VPS13D: variants seen among roughly 807,000 people sequenced by gnomAD.
VPS13D encodes intermembrane lipid transfer protein VPS13D.
A neutral mutation model predicts 461.9 loss-of-function variants in VPS13D; 187 were observed. The ratio of observed to expected loss-of-function variants is 0.40; its 90% confidence interval spans 0.36 to 0.46. VPS13D has a LOEUF of 0.46. Among genes scored for constraint, VPS13D ranks in the 20% least tolerant of loss-of-function variants. The pLI is 0.60. For missense variants in VPS13D, 4,711 were observed against 5,364.9 expected, an observed-to-expected ratio of 0.88 and a Z score of 3.81; for synonymous variants, 1,951 against 1,986.3, an observed-to-expected ratio of 0.98 and a Z score of 0.47.
chr1:12,310,476 A>T (rs189779896), intron 27 of VPS13D, among the ~76,000 whole-genome samples: 1 of 152,180 alleles, frequency 6.6e-6, no homozygotes, highest in Non-Finnish European at 1.5e-5. Flanking sequence ...TATTGAGATG[A>T]GGTACAGATG....
Position 12,283,630 on chromosome 1 carries a change from C to T in VPS13D, c.5528C>T (p.Ala1843Val). Residue 1843 changes from alanine (A) to valine (V), a missense_variant, in exon 21 of 70, where the codon GCA becomes GTA. Transcript: ENST00000620676. ...ATCGGCTCCACTGCAGACAACCACG[C>T]AATGAGGCTGCCTCCTGAGGGCATT... ...FGIGSTADNH[A>V]MRLPPEGILH... is the part of the protein sequence containing the mutation. 6.2e-7 allele frequency: 1 copy of T among 1,614,184 alleles called. No individual in the cohort carries two copies. The highest frequency in any genetic ancestry group is 8.5e-7 in the Non-Finnish European group (1 of 1,180,020).
At position 12,385,213 on chromosome 1, in the gene VPS13D, A is replaced by T. The variant is rs369630472; in HGVS notation, c.11371-47A>T. ...TTGTTCTGGGTTAGAATAGGTTTCAATAAGGAAGAGTGAATCATCTTCTTG... is the reference window on the plus strand; with the variant it reads ...TTGTTCTGGGTTAGAATAGGTTTCATTAAGGAAGAGTGAATCATCTTCTTG... On this transcript the variant is annotated intron_variant, in intron 58 of 69. Coordinates refer to ENST00000620676, the MANE Select transcript of VPS13D (RefSeq NM_015378.4). 11 of 1,501,198 alleles carry T rather than the reference A, an allele frequency of 7.3e-6. No homozygotes were observed. The South Asian group carries it at 1.1e-4, about 16-fold the overall frequency. The allele number at this position is 1,501,198 out of a possible 1,614,324, so 93.0% of individuals were successfully genotyped here.
intron 67 of VPS13D, among the ~76,000 whole-genome samples, chr1:12,494,798 A>C (rs1054066599): frequency 6.6e-6 from 1 of 152,218 alleles, no homozygotes; most frequent in African/African-American, 2.4e-5. Flanking sequence ...ATGGGGTTCT[A>C]GCTGCTTCAT....
In VPS13D at chr1:12,345,501, T is replaced by G; in HGVS notation, c.9013T>G (p.Ser3005Ala). 1.9e-6 allele frequency: 3 copies of G among 1,612,086 alleles called. No individual in the cohort carries two copies. Among genetic ancestry groups the G allele is most frequent in the Non-Finnish European group, 2.5e-6 (3 of 1,178,312 alleles). Reference sequence around the variant, plus strand: ...TGCAGCACCAGATAAAAATTCATCTTCCTCTACGGTGTGTGACATTCAGGA... The same window carrying G: ...TGCAGCACCAGATAAAAATTCATCTGCCTCTACGGTGTGTGACATTCAGGA... ...RYAAPDKNSS[S>A]STIGSPSSRT... The change falls in exon 43 of 70, where the codon TCC (serine) becomes GCC (alanine). Residue 3005 changes from serine to alanine, a missense_variant. By Grantham distance (99) the Ser-to-Ala change is moderately conservative. Around this residue, in one of 3 missense-constraint regions of VPS13D, gnomAD observed 4,411 missense variants for 4,937.8 expected, o/e 0.89. Transcript: ENST00000620676.
chr1:12,264,260 A>G (rs1374889431), intron 13 of VPS13D, among the ~76,000 whole-genome samples: 1 of 152,186 alleles, frequency 6.6e-6, no homozygotes, highest in Non-Finnish European at 1.5e-5. Flanking sequence ...AATTGGGCTA[A>G]TAACCCTACA....
intron 37 of VPS13D, among the ~76,000 whole-genome samples, chr1:12,330,647 A>G (rs1175259819): frequency 2.6e-5 from 4 of 151,862 alleles, no homozygotes; most frequent in Non-Finnish European, 5.9e-5. Context: ...GGCTCACTGC[A>G]ACTTCTGCCT....
At chr1:12,232,010 C>G (rs1639993706) in intron 1 of VPS13D, among the ~76,000 whole-genome samples, 1 of 152,140 alleles carries the variant, frequency 6.6e-6, no homozygotes, top group Non-Finnish European at 1.5e-5. Context: ...AAAAAAGTTA[C>G]AATAGAGAAA....
chr1:12,311,994 C>T (rs1642763912), intron 29 of VPS13D, 69 bp downstream of exon 29: 3 of 1,341,934 alleles, frequency 2.2e-6, no homozygotes, highest in Admixed American at 2.0e-5. Flanking sequence ...TTTGCATTGA[C>T]ACAGAGCAGA....
In VPS13D at chr1:12,495,741, A is replaced by G. The variant is rs569413737; in HGVS notation, c.12663-1759A>G. Among the ~76,000 whole-genome samples, 26 of 152,132 alleles carry G rather than the reference A, an allele frequency of 1.7e-4. No individual in the cohort carries two copies. The highest frequency in any genetic ancestry group is 3.2e-4 in the Non-Finnish European group (22 of 68,024). On this transcript the variant is annotated intron_variant, in intron 67 of 69. Transcript: ENST00000620676. This position sits in a 1 kb window ranked among gnomAD's most constrained non-coding sequence, Gnocchi z 4.0. ...AGACCCTGCCATATTCCTCTTGGAGAGCCTTTGGGCTTCTACCATGTAGCC... is the reference window on the plus strand; with the variant it reads ...AGACCCTGCCATATTCCTCTTGGAGGGCCTTTGGGCTTCTACCATGTAGCC...
At chr1:12,466,197 T>C (rs1054224256) in intron 67 of VPS13D, among the ~76,000 whole-genome samples, 8 of 152,082 alleles carry the variant, frequency 5.3e-5, no homozygotes, top group Non-Finnish European at 1.5e-5. Flanking sequence ...TTTTTCATCC[T>C]AGCTGGGTAA....
At chr1:12,414,489 G>A (rs915990497) in intron 63 of VPS13D, among the ~76,000 whole-genome samples, 6 of 139,036 alleles carry the variant, frequency 4.3e-5, no homozygotes, top group African/African-American at 1.5e-4. Context: ...CATATGTAAT[G>A]TTGTCTATGA....
Position 12,323,872 on chromosome 1 carries a change from A to T in VPS13D, c.7990+92A>T, listed in dbSNP as rs1643110081. The T allele has an allele frequency of 1.2e-5, 16 of 1,349,742 alleles. No individual in the cohort carries two copies. In the East Asian group the frequency reaches 3.7e-4, roughly 31 times the overall value. 83.6% of individuals were successfully genotyped at this position (1,349,742 alleles called of 1,614,324 possible). ...CTTACTTCCACAAGGTGACTTAGAG[A>T]GCTGAGTGTGTTTGGAGGACGCTTT... On this transcript the variant is annotated intron_variant, in intron 35 of 69. Transcript: ENST00000620676.
chr1:12,288,329 TG>T lies in VPS13D; in HGVS notation c.5725+18del. 6.2e-7 allele frequency: 1 copy of T among 1,611,842 alleles called. No individual in the cohort carries two copies. ...GAAATGATTGGTAAGTGGTGGGGGG[TG>T]GAGGGAAGCAAACTTGCAAAATCTG... is the stretch of plus-strand genomic sequence containing the variant. On this transcript the variant is annotated intron_variant, in intron 22 of 69. Coordinates refer to ENST00000620676, the MANE Select transcript of VPS13D (RefSeq NM_015378.4).
At chr1:12,478,569 G>A (rs1645667093) in intron 67 of VPS13D, 1 of 345,378 alleles carries the variant, frequency 2.9e-6, no homozygotes, top group African/African-American at 2.1e-5. Context: ...GCATGTAATA[G>A]AACCAGCTGC....
intron 50 of VPS13D, among the ~76,000 whole-genome samples, chr1:12,361,379 A>T (rs1195043783): frequency 7.2e-6 from 1 of 139,784 alleles, no homozygotes; most frequent in African/African-American, 3.0e-5. Context: ...ATTTTTATTT[A>T]TTTATTTATT....
intron 55 of VPS13D, among the ~76,000 whole-genome samples, chr1:12,377,197 T>A (rs1644210966): frequency 6.6e-6 from 1 of 151,830 alleles, no homozygotes; most frequent in African/African-American, 2.4e-5. Context: ...GTAGCTGGGA[T>A]TACAGGCATG....
chr1:12,321,526 T>C (rs1407581502), intron 32 of VPS13D, among the ~76,000 whole-genome samples: 1 of 152,202 alleles, frequency 6.6e-6, no homozygotes, highest in East Asian at 1.9e-4. Flanking sequence ...TTTTTCTTTT[T>C]TGGCTAGTTC....
intron 60 of VPS13D, among the ~76,000 whole-genome samples, chr1:12,393,306 C>A (rs904331259): frequency 6.6e-6 from 1 of 152,222 alleles, no homozygotes; most frequent in Non-Finnish European, 1.5e-5. Context: ...GATTATGACA[C>A]AAACCTGGAG....
At chr1:12,364,632 T>C (rs888253312) in intron 52 of VPS13D, among the ~76,000 whole-genome samples, 3 of 152,212 alleles carry the variant, frequency 2.0e-5, no homozygotes, top group African/African-American at 7.2e-5. Context: ...CTCCACAACC[T>C]CACCAACACT....
Sources: allele counts gnomAD v4.1 joint callset (sites outside exome capture counted in the v4.1 genomes callset), GRCh38; gene constraint gnomAD v4.1.1; regional missense constraint gnomAD v4.1.1; non-coding constraint Gnocchi (gnomAD v3.1); transcripts MANE v1.5; gene names NCBI Gene and HGNC (gene_info 2026-07-23, HGNC 2026-07-21).